Variants in GABRB2 observed in about 807,000 individuals in gnomAD.
The protein encoded by GABRB2 is gamma-aminobutyric acid receptor subunit beta-2.
In GABRB2, 16 loss-of-function variants were observed where a neutral mutation model predicts 54.7. The ratio of observed to expected loss-of-function variants is 0.29; its 90% CI spans 0.20 to 0.44. The LOEUF is 0.44. Ranked by LOEUF, GABRB2 falls within the 20% of genes least tolerant of loss-of-function variation. The probability of loss-of-function intolerance (pLI) is 1.00; values close to 1 mark genes in which losing one functional copy is unlikely to be tolerated. For synonymous variants in GABRB2, 244 were observed against 233.8 expected (o/e 1.04, Z -0.40); for missense variants, 355 against 644.0 (o/e 0.55, Z 4.86).
At chr5:161,472,421 CAT>C (rs1758468469) in intron 3 of GABRB2, among the ~76,000 whole-genome samples, 1 of 151,436 alleles carries the variant, frequency 6.6e-6, no homozygotes, top group South Asian at 2.1e-4. Context: ...CACACACACA[CAT>C]ACACGCACAC....
At chr5:161,506,675 T>C (rs1160973357) in intron 3 of GABRB2, among the ~76,000 whole-genome samples, 1 of 152,062 alleles carries the variant, frequency 6.6e-6, no homozygotes, top group African/African-American at 2.4e-5. Flanking sequence ...TGTACCTCTT[T>C]TGGAAGAAGT....
chr5:161,465,855 T>C (rs1758262763), intron 3 of GABRB2, among the ~76,000 whole-genome samples: 1 of 152,142 alleles, frequency 6.6e-6, no homozygotes, highest in Admixed American at 6.6e-5. Context: ...CATTGCTTTC[T>C]CTAAGACTAA....
At chr5:161,481,560 T>G (rs2113328143) in intron 3 of GABRB2, among the ~76,000 whole-genome samples, 1 of 152,156 alleles carries the variant, frequency 6.6e-6, no homozygotes, top group Non-Finnish European at 1.5e-5. Flanking sequence ...AGAATAGCCC[T>G]ATTTTGTGAA....
At chr5:161,372,031 T>C (rs1359101876) in intron 5 of GABRB2, among the ~76,000 whole-genome samples, 2 of 152,114 alleles carry the variant, frequency 1.3e-5, no homozygotes, top group Non-Finnish European at 1.5e-5. Context: ...CACCTGTCCA[T>C]AAAAATGTTT....
At chr5:161,386,342 A>G (rs1396582186) in intron 5 of GABRB2, among the ~76,000 whole-genome samples, 2 of 152,164 alleles carry the variant, frequency 1.3e-5, no homozygotes, top group Non-Finnish European at 2.9e-5. Flanking sequence ...CAGAAGCTAA[A>G]AAATGAAATT....
At chr5:161,381,298 T>C (rs1413445714) in intron 5 of GABRB2, among the ~76,000 whole-genome samples, 4 of 152,170 alleles carry the variant, frequency 2.6e-5, no homozygotes, top group African/African-American at 9.7e-5. Context: ...CTTAGATATA[T>C]CAGATATTCA....
At chr5:161,464,096 T>C (rs1420577200) in intron 3 of GABRB2, among the ~76,000 whole-genome samples, 2 of 151,994 alleles carry the variant, frequency 1.3e-5, no homozygotes, top group African/African-American at 4.8e-5. Context: ...AAATGATAAA[T>C]TGGACCTCAA....
At chr5:161,391,302 T>G (rs148151587) in intron 5 of GABRB2, among the ~76,000 whole-genome samples, 68 of 152,330 alleles carry the variant, frequency 4.5e-4, no homozygotes, top group African/African-American at 1.5e-3. Flanking sequence ...CAGGAGCATA[T>G]GTTTTAAAAT....
intron 3 of GABRB2, among the ~76,000 whole-genome samples, chr5:161,543,856 C>T (rs1198005839): frequency 6.6e-6 from 1 of 152,182 alleles, no homozygotes; most frequent in Non-Finnish European, 1.5e-5. Flanking sequence ...GGTTCTGAAA[C>T]ATCCAATATT....
At chr5:161,304,447 C>T (rs1580962745) in intron 9 of GABRB2, among the ~76,000 whole-genome samples, 1 of 152,144 alleles carries the variant, frequency 6.6e-6, no homozygotes, top group Non-Finnish European at 1.5e-5. Flanking sequence ...TGATCTTGAC[C>T]CAGTGCTAGT....
intron 5 of GABRB2, among the ~76,000 whole-genome samples, chr5:161,407,822 C>T (rs573112110): frequency 1.3e-5 from 2 of 152,120 alleles, no homozygotes; most frequent in South Asian, 2.1e-4. Flanking sequence ...ATGGATATCT[C>T]CTTTCAATTT....
intron 5 of GABRB2, among the ~76,000 whole-genome samples, chr5:161,369,625 GAGAA>G (rs1755074732): frequency 6.6e-6 from 1 of 152,020 alleles, no homozygotes; most frequent in Non-Finnish European, 1.5e-5. Flanking sequence ...AAACTTTATT[GAGAA>G]AGAGAGAGAG....
chr5:161,331,981 C>T (rs533639769), intron 7 of GABRB2, among the ~76,000 whole-genome samples: 16 of 151,412 alleles, frequency 1.1e-4, no homozygotes, highest in Non-Finnish European at 1.8e-4. Context: ...CTGGCTAACA[C>T]GGTGAAACCC....
At chr5:161,449,462 A>T (rs1363873925) in intron 4 of GABRB2, among the ~76,000 whole-genome samples, 1 of 152,190 alleles carries the variant, frequency 6.6e-6, no homozygotes, top group Non-Finnish European at 1.5e-5. Context: ...CTAACTCTGT[A>T]TGTTTCCCAT....
intron 9 of GABRB2, among the ~76,000 whole-genome samples, chr5:161,296,211 TA>T (rs1757376633): frequency 1.3e-5 from 2 of 152,294 alleles, no homozygotes; most frequent in South Asian, 4.1e-4. Context: ...TTAAGGAAAG[TA>T]AACCTGATGG....
intron 5 of GABRB2, among the ~76,000 whole-genome samples, chr5:161,340,786 C>A (rs1402842320): frequency 1.3e-5 from 2 of 151,876 alleles, no homozygotes; most frequent in Non-Finnish European, 1.5e-5. Context: ...TATTTTATGT[C>A]CCATTTTGTG....
chr5:161,374,854 C>T (rs920877893), intron 5 of GABRB2, among the ~76,000 whole-genome samples: 4 of 152,118 alleles, frequency 2.6e-5, no homozygotes, highest in African/African-American at 9.7e-5. Flanking sequence ...AGTATTATCT[C>T]CTTAAGCCCA....
At chr5:161,430,108 G>T (rs146582730) in intron 4 of GABRB2, among the ~76,000 whole-genome samples, 2 of 152,058 alleles carry the variant, frequency 1.3e-5, no homozygotes, top group African/African-American at 4.8e-5. Context: ...TTGTAATGTG[G>T]TATAAAAGCC....
intron 4 of GABRB2, among the ~76,000 whole-genome samples, chr5:161,425,054 CATG>C (rs962594922): frequency 3.3e-5 from 5 of 152,116 alleles, no homozygotes; most frequent in African/African-American, 1.2e-4. Flanking sequence ...TATGCAACCT[CATG>C]ATGAAACTTT....
Sources: gnomAD v4.1 joint callset for allele counts (sites outside exome capture counted in the v4.1 genomes callset) on GRCh38, gnomAD v4.1.1 for gene constraint, MANE v1.5 for transcripts, NCBI Gene and HGNC (gene_info 2026-07-23, HGNC 2026-07-21) for gene names.